SPHKAP: variants seen among roughly 807,000 people sequenced by gnomAD.
SPHKAP encodes the protein A-kinase anchor protein SPHKAP.
Under a neutral mutation model 137.5 loss-of-function variants are expected in SPHKAP, and 67 were observed. That is an observed-to-expected ratio of 0.49 (90% CI 0.40 to 0.60). SPHKAP has a LOEUF of 0.60. Among genes scored for constraint, SPHKAP ranks in the 20% least tolerant of loss-of-function variants. The pLI is 0.00. For synonymous variants in SPHKAP, 813 were observed against 785.3 expected (o/e 1.04, Z -0.59); for missense variants, 2,097 against 2,069.3 (o/e 1.01, Z -0.26).
intron 2 of SPHKAP, chr2:228,109,258 G>A (rs1698441500): frequency 1.9e-6 from 1 of 521,482 alleles, no homozygotes; most frequent in Admixed American, 6.4e-5. Flanking sequence ...TGGCTATGTG[G>A]GCAATGGGGA....
rs529789996 is a variant in SPHKAP at position 228,156,120 on chromosome 2, A to C, written c.33-24035T>G. 6.6e-5 allele frequency among the ~76,000 whole-genome samples: 10 copies of C among 152,352 alleles called. No individual in the cohort carries two copies. The South Asian group carries it at 8.3e-4, about 13-fold the overall frequency. ...TTCCCTCAAGACCTACTTTGTAATAAGATCTTTTATGTATACTTTTAGTGT... is the reference window on the plus strand; with the variant it reads ...TTCCCTCAAGACCTACTTTGTAATACGATCTTTTATGTATACTTTTAGTGT... On this transcript the variant is annotated intron_variant, in intron 1 of 11. Coordinates refer to ENST00000392056, the MANE Select transcript of SPHKAP (RefSeq NM_001142644.2).
intron 1 of SPHKAP, among the ~76,000 whole-genome samples, chr2:228,165,456 G>A (rs1234404822): frequency 1.3e-5 from 2 of 152,144 alleles, no homozygotes; most frequent in Admixed American, 6.6e-5. Context: ...ATAACTACCA[G>A]TGCATTAAAA....
intron 7 of SPHKAP, among the ~76,000 whole-genome samples, chr2:228,004,923 A>G (rs563723797): frequency 1.3e-5 from 2 of 152,174 alleles, no homozygotes; most frequent in Non-Finnish European, 2.9e-5. Flanking sequence ...TCTGAGAGAC[A>G]GTTTGTTATA....
At chr2:228,166,523 C>T (rs200488227) in intron 1 of SPHKAP, among the ~76,000 whole-genome samples, 1 of 152,084 alleles carries the variant, frequency 6.6e-6, no homozygotes, top group Admixed American at 6.6e-5. Context: ...ATTTTTTGCC[C>T]ACTCTCAATC....
chr2:227,986,227 C>G (rs1325875681), intron 11 of SPHKAP, among the ~76,000 whole-genome samples: 1 of 152,186 alleles, frequency 6.6e-6, no homozygotes, highest in African/African-American at 2.4e-5. Flanking sequence ...ATAACCTTAA[C>G]TGTAGTTTTT....
chr2:228,168,156 A>G (rs1700474886), intron 1 of SPHKAP, among the ~76,000 whole-genome samples: 2 of 152,072 alleles, frequency 1.3e-5, no homozygotes, highest in Non-Finnish European at 2.9e-5. Context: ...TATACAGTTT[A>G]TCATGAAAGG....
At chr2:228,177,270 C>A (rs1038371067) in intron 1 of SPHKAP, among the ~76,000 whole-genome samples, 2 of 151,508 alleles carry the variant, frequency 1.3e-5, no homozygotes, top group Non-Finnish European at 2.9e-5. Context: ...CCAGCAACAA[C>A]GTGGACTCTC....
In SPHKAP at chr2:228,017,851, A is replaced by G. The variant is rs1395446859; in HGVS notation, c.3003T>C (p.Ser1001=). ...GCTCGTCCGTCTTCCTCTTGATCTCACTGAGCCGGGGAGGCTTGTGTTTCC... is the reference window on the plus strand; with the variant it reads ...GCTCGTCCGTCTTCCTCTTGATCTCGCTGAGCCGGGGAGGCTTGTGTTTCC... The part of the protein sequence containing the change: ...AVRKHKPPRL[S]EIKRKTDEHP... The change falls in exon 7 of 12, where the codon AGT becomes AGC. Residue 1001 remains serine, a synonymous_variant. Transcript: ENST00000392056. The G allele has an allele frequency of 2.5e-6, 4 of 1,613,684 alleles. No individual in the cohort carries two copies. The Admixed American group carries it at 6.7e-5, about 27-fold the overall frequency.
chr2:228,060,924 C>T (rs941393906), intron 3 of SPHKAP, among the ~76,000 whole-genome samples: 5 of 152,024 alleles, frequency 3.3e-5, no homozygotes, highest in African/African-American at 1.2e-4. Flanking sequence ...GAACAGCAGC[C>T]CTTGAAAGGG....
chr2:228,114,998 A>G (rs932935376), intron 2 of SPHKAP, among the ~76,000 whole-genome samples: 2 of 152,182 alleles, frequency 1.3e-5, no homozygotes, highest in African/African-American at 2.4e-5. Flanking sequence ...AGGGGATGGC[A>G]AAGGGCTTGG....
At chr2:228,014,112 A>G (rs981599644) in intron 7 of SPHKAP, among the ~76,000 whole-genome samples, 2 of 152,192 alleles carry the variant, frequency 1.3e-5, no homozygotes, top group Non-Finnish European at 2.9e-5. Context: ...TTGTATTATG[A>G]ATTTTATTCA....
intron 3 of SPHKAP, among the ~76,000 whole-genome samples, chr2:228,055,256 G>A (rs1037766593): frequency 6.6e-6 from 1 of 151,980 alleles, no homozygotes; most frequent in African/African-American, 2.4e-5. Flanking sequence ...CCATGTCAAT[G>A]AGGAGAGAGA....
chr2:228,147,163 A>G (rs1342063096), intron 1 of SPHKAP, among the ~76,000 whole-genome samples: 2 of 152,218 alleles, frequency 1.3e-5, no homozygotes, highest in Non-Finnish European at 1.5e-5. Flanking sequence ...TCAGTGCTCC[A>G]TAAATGTGGT....
chr2:228,003,728 A>G (rs1482052577), intron 7 of SPHKAP, among the ~76,000 whole-genome samples: 1 of 152,148 alleles, frequency 6.6e-6, no homozygotes, highest in Non-Finnish European at 1.5e-5. Context: ...TTATTTTTAG[A>G]TACATCCCAT....
chr2:228,048,742 T>C (rs1485471862), intron 3 of SPHKAP, among the ~76,000 whole-genome samples: 1 of 152,186 alleles, frequency 6.6e-6, no homozygotes, highest in Non-Finnish European at 1.5e-5. Context: ...TAGTAGGCTA[T>C]GAGGATTAGT....
intron 6 of SPHKAP, among the ~76,000 whole-genome samples, chr2:228,021,196 T>C (rs2106219335): frequency 6.6e-6 from 1 of 152,308 alleles, no homozygotes; most frequent in East Asian, 1.9e-4. Context: ...TTTCCTGGAT[T>C]ATCTCTTTCT....
chr2:228,047,284 T>A (rs1227796782), intron 3 of SPHKAP, among the ~76,000 whole-genome samples: 1 of 151,970 alleles, frequency 6.6e-6, no homozygotes, highest in African/African-American at 2.4e-5. Flanking sequence ...TGGCCAACAC[T>A]GCGAAACCCC....
chr2:228,108,790 C>T (rs1698420674), intron 3 of SPHKAP, 42 bp downstream of exon 3: 5 of 1,461,802 alleles, frequency 3.4e-6, no homozygotes, highest in East Asian at 4.6e-5. Context: ...TGCCCGCTTC[C>T]CTGCTTTATC....
chr2:228,065,532 G>C (rs1696796138), intron 3 of SPHKAP, among the ~76,000 whole-genome samples: 1 of 152,194 alleles, frequency 6.6e-6, no homozygotes. Flanking sequence ...GGCTATAAAA[G>C]GGGGCACTGA....
Sources: allele counts gnomAD v4.1 joint callset (sites outside exome capture counted in the v4.1 genomes callset), GRCh38; gene constraint gnomAD v4.1.1; transcripts MANE v1.5; gene names NCBI Gene and HGNC (gene_info 2026-07-23, HGNC 2026-07-21).